The following PCDH11X variants were observed in gnomAD, a reference collection of about 807,000 sequenced individuals.
PCDH11X encodes the protein protocadherin-11 X-linked.
PCDH11X carries 18 observed loss-of-function variants against 53.3 expected under a neutral mutation model. The ratio of observed to expected loss-of-function variants is 0.34; its 90% CI spans 0.23 to 0.50. PCDH11X has a LOEUF of 0.50. Ranked by LOEUF, PCDH11X falls within the 20% of genes least tolerant of loss-of-function variation. The probability of loss-of-function intolerance (pLI) is 0.98; values close to 1 mark genes in which losing one functional copy is unlikely to be tolerated. For missense variants in PCDH11X, 570 were observed against 1,032.4 expected (o/e 0.55, Z 6.14); for synonymous variants, 279 against 393.3 (o/e 0.71, Z 3.44).
intron 7 of PCDH11X, among the ~76,000 whole-genome samples, chrX:92,237,648 A>T (rs751207022): frequency 9.0e-6 from 1 of 111,168 alleles, no homozygotes; most frequent in South Asian, 3.8e-4. Context: ...CCTTTAGGAG[A>T]TTATCAATGT....
intron 10 of PCDH11X, among the ~76,000 whole-genome samples, chrX:92,481,343 A>G (rs1237712583): frequency 9.0e-6 from 1 of 110,535 alleles, no homozygotes; most frequent in Admixed American, 9.6e-5. Flanking sequence ...CCGAGGGGAC[A>G]CGGAATGCAA....
At chrX:92,473,853 T>C (rs2073320207) in intron 10 of PCDH11X, among the ~76,000 whole-genome samples, 1 of 111,824 alleles carries the variant, frequency 8.9e-6, no homozygotes, top group Non-Finnish European at 1.9e-5. Flanking sequence ...TAAGAATTGT[T>C]TTTTGAACTA....
chrX:92,041,311 A>G (rs2148030851), intron 6 of PCDH11X, among the ~76,000 whole-genome samples: 1 of 109,781 alleles, frequency 9.1e-6, no homozygotes, highest in Admixed American at 9.9e-5. Context: ...ATAAAACCTA[A>G]TTAAAATTAT....
chrX:91,974,931 T>C (rs1241801060), intron 6 of PCDH11X, among the ~76,000 whole-genome samples: 1 of 110,183 alleles, frequency 9.1e-6, no homozygotes, highest in Admixed American at 9.7e-5. Context: ...TTTGTATTTT[T>C]AGTAGAGATG....
intron 10 of PCDH11X, among the ~76,000 whole-genome samples, chrX:92,485,869 C>T (rs1278471084): frequency 2.7e-5 from 3 of 110,856 alleles, no homozygotes; most frequent in East Asian, 2.8e-4. Flanking sequence ...CTGGGTTGGA[C>T]GGTGAGTCTG....
chrX:92,087,346 C>T (rs2063974621), intron 6 of PCDH11X, among the ~76,000 whole-genome samples: 1 of 107,808 alleles, frequency 9.3e-6, no homozygotes, highest in African/African-American at 3.4e-5. Context: ...CGTGCCTTGG[C>T]CTCCCAAAGT....
intron 6 of PCDH11X, chrX:91,983,106 A>G: frequency 1.9e-6 from 2 of 1,069,367 alleles, no homozygotes; most frequent in Non-Finnish European, 2.6e-6. Context: ...AGGCCCAGCA[A>G]TGTCGAAATC....
intron 6 of PCDH11X, among the ~76,000 whole-genome samples, chrX:92,069,536 G>A (rs1165112494): frequency 1.8e-5 from 2 of 110,520 alleles, no homozygotes; most frequent in East Asian, 5.7e-4. Context: ...TTATTTTGCA[G>A]TCTTTTTTTC....
chrX:92,505,754 G>C (rs2074046033), intron 10 of PCDH11X, among the ~76,000 whole-genome samples: 1 of 110,890 alleles, frequency 9.0e-6, no homozygotes, highest in Admixed American at 9.6e-5. Flanking sequence ...GTCATTAGTT[G>C]TTTGATTGGA....
chrX:92,374,905 T>A (rs1254286219), intron 8 of PCDH11X, among the ~76,000 whole-genome samples: 1 of 108,939 alleles, frequency 9.2e-6, no homozygotes, highest in Admixed American at 1.0e-4. Context: ...TCAAATTGAA[T>A]TATTAATTAC....
intron 10 of PCDH11X, among the ~76,000 whole-genome samples, chrX:92,581,566 C>T (rs1168215828): frequency 8.9e-6 from 1 of 111,748 alleles, no homozygotes; most frequent in Non-Finnish European, 1.9e-5. Context: ...ACTGTGAGTC[C>T]ATTAAACCTC....
chrX:92,186,743 G>A (rs2066106341), intron 6 of PCDH11X, among the ~76,000 whole-genome samples: 1 of 110,969 alleles, frequency 9.0e-6, no homozygotes, highest in African/African-American at 3.3e-5. Context: ...GGAGGAATAG[G>A]TTCTAGCTTT....
intron 6 of PCDH11X, among the ~76,000 whole-genome samples, chrX:92,059,982 G>A (rs950003606): frequency 2.7e-5 from 3 of 110,728 alleles, no homozygotes; most frequent in African/African-American, 9.8e-5. Context: ...AATTTAATAT[G>A]TAGGTGCTTT....
At chrX:92,173,103 G>T (rs1295848021) in intron 6 of PCDH11X, among the ~76,000 whole-genome samples, 1 of 111,623 alleles carries the variant, frequency 9.0e-6, no homozygotes, top group Non-Finnish European at 1.9e-5. Context: ...CTGAAAAACT[G>T]CTTTACCTAA....
chrX:92,339,842 T>C (rs1180672925), intron 8 of PCDH11X, among the ~76,000 whole-genome samples: 7 of 109,155 alleles, frequency 6.4e-5, no homozygotes, highest in Non-Finnish European at 1.3e-4. Context: ...TCAAATCTCA[T>C]GTCCTTCTCA....
At chrX:92,243,104 A>G (rs1406415017) in intron 7 of PCDH11X, among the ~76,000 whole-genome samples, 5 of 111,747 alleles carry the variant, frequency 4.5e-5, no homozygotes, top group African/African-American at 6.5e-5. Flanking sequence ...ATGAAATCTA[A>G]TTAAGCAATT....
chrX:92,140,584 C>T (rs2065162298), intron 6 of PCDH11X, among the ~76,000 whole-genome samples: 2 of 111,781 alleles, frequency 1.8e-5, no homozygotes, highest in Non-Finnish European at 3.8e-5. Flanking sequence ...GGCCCTTTTA[C>T]ACCTTTTTCT....
intron 10 of PCDH11X, among the ~76,000 whole-genome samples, chrX:92,552,007 T>TTC (rs1556487764): frequency 1.1e-5 from 1 of 89,195 alleles, no homozygotes; most frequent in Admixed American, 1.2e-4. Flanking sequence ...TTTTTTTTTT[T>TTC]CTCAGGATAG....
intron 10 of PCDH11X, among the ~76,000 whole-genome samples, chrX:92,509,866 G>A (rs1189172596): frequency 9.0e-6 from 1 of 111,690 alleles, no homozygotes; most frequent in Non-Finnish European, 1.9e-5. Flanking sequence ...ACTTATTCTT[G>A]AGATAGCTTG....
Sources: allele counts gnomAD v4.1 joint callset (sites outside exome capture counted in the v4.1 genomes callset), GRCh38; gene constraint gnomAD v4.1.1; transcripts MANE v1.5; gene names NCBI Gene and HGNC (gene_info 2026-07-23, HGNC 2026-07-21).